The following APC variants were observed in gnomAD, a reference collection of about 807,000 sequenced individuals.
The protein encoded by APC is APC regulator of Wnt signaling pathway.
APC carries 72 observed loss-of-function variants against 247.0 expected under a neutral mutation model. The observed-to-expected ratio is 0.29, with a 90% confidence interval of 0.24 to 0.35. The LOEUF is 0.35. APC is among the 10% of genes least tolerant of loss of function. The probability of loss-of-function intolerance (pLI) is 1.00; values close to 1 mark genes in which losing one functional copy is unlikely to be tolerated. For missense variants in APC, 3,400 were observed against 3,360.7 expected, an observed-to-expected ratio of 1.01 and a Z score of -0.29; for synonymous variants, 1,254 against 1,162.5, an observed-to-expected ratio of 1.08 and a Z score of -1.60.
chr5:112,827,925 A>G lies in APC; in HGVS notation c.1549-4A>G, dbSNP rs1554081872. The G allele has an allele frequency of 6.2e-7, 1 of 1,612,472 alleles. No individual in the cohort carries two copies. The highest frequency in any genetic ancestry group is 1.7e-5 in the Admixed American group (1 of 59,990). ...TGATCCTCTATTCTGTATTTAATTT[A>G]CAGGCTACGCTATGCTCTATGAAAG... On this transcript the variant is annotated splice_polypyrimidine_tract_variant and splice_region_variant and intron_variant, in intron 12 of 15. Transcript: ENST00000257430.
At chr5:112,776,202 C>G (rs1757629493) in intron 5 of APC, among the ~76,000 whole-genome samples, 2 of 152,154 alleles carry the variant, frequency 1.3e-5, no homozygotes, top group African/African-American at 2.4e-5. Context: ...TTTGCAAGCA[C>G]TAAAGCTGGT....
chr5:112,785,699 T>C (rs1758860785), intron 6 of APC, among the ~76,000 whole-genome samples: 1 of 152,162 alleles, frequency 6.6e-6, no homozygotes, highest in Non-Finnish European at 1.5e-5. Context: ...ACAACCTTTA[T>C]ATGACAGAAG....
At chr5:112,762,376 CG>C (rs1258894796) in intron 2 of APC, among the ~76,000 whole-genome samples, 4 of 152,176 alleles carry the variant, frequency 2.6e-5, no homozygotes, top group African/African-American at 9.7e-5. Flanking sequence ...GTCCACTAAA[CG>C]GTACAAGAAT....
At chr5:112,835,572 A>ATTTT (rs11376379) in intron 15 of APC, among the ~76,000 whole-genome samples, 1 of 132,968 alleles carries the variant, frequency 7.5e-6, no homozygotes, top group African/African-American at 2.8e-5. Flanking sequence ...CATAATAATA[A>ATTTT]TTTTTTTTTT....
At chr5:112,741,983 T>C (rs62363988) in intron 1 of APC, among the ~76,000 whole-genome samples, 3,389 of 152,336 alleles carry the variant, frequency 0.022, 58 homozygotes, top group Non-Finnish European at 0.033. Context: ...TAAATGATGT[T>C]CCATTGCATG....
intron 1 of APC, among the ~76,000 whole-genome samples, chr5:112,712,580 G>C (rs551231063): frequency 1.4e-5 from 2 of 145,610 alleles, no homozygotes; most frequent in Admixed American, 6.8e-5. Context: ...TTTTTTAAGC[G>C]ACCGGGGCTT....
At chr5:112,753,589 A>T (rs1356161220) in intron 1 of APC, among the ~76,000 whole-genome samples, 5 of 152,164 alleles carry the variant, frequency 3.3e-5, no homozygotes, top group Non-Finnish European at 5.9e-5. Flanking sequence ...AGACTTTTGT[A>T]GGTGATCCCT....
chr5:112,836,165 T>TTCCCCCCCCCCCCCCCCCCC lies in APC; in HGVS notation c.1958+1000_1958+1001insTCCCCCCCCCCCCCCCCCCC, dbSNP rs1554083526. 1.3e-3 allele frequency among the ~76,000 whole-genome samples: 31 copies of TTCCCCCCCCCCCCCCCCCCC among 24,492 alleles called. 8 individuals are homozygous for TTCCCCCCCCCCCCCCCCCCC. The highest frequency in any genetic ancestry group is 2.7e-3 in the Admixed American group (3 of 1,124). 16.1% of individuals were successfully genotyped at this position (24,492 alleles called of 152,430 possible). ...CCTCCCGAGTAGCTGGGATTACAGG[T>TTCCCCCCCCCCCCCCCCCCC]CCCCCCCCCCCCCCGCCACCGTGCC... On this transcript the variant is annotated intron_variant, in intron 15 of 15. Transcript: ENST00000257430.
At chr5:112,724,245 T>C (rs1283064932) in intron 1 of APC, among the ~76,000 whole-genome samples, 1 of 152,012 alleles carries the variant, frequency 6.6e-6, no homozygotes, top group Non-Finnish European at 1.5e-5. Flanking sequence ...AGTGCTTGTA[T>C]AGTTATGAAG....
In APC at chr5:112,819,122, G is replaced by A. The variant is rs1483264315; in HGVS notation, c.1090G>A (p.Asp364Asn). ...PLLIQLLHGNDKDSVLLGNSR... is the reference protein window; with the variant it reads ...PLLIQLLHGNNKDSVLLGNSR... ...CCTCATCCAGCTTTTACATGGCAAT[G>A]ACAAAGACTCTGTATTGTTGGGAAA... The change falls in exon 10 of 16, where the codon GAC becomes AAC. Residue 364 changes from aspartate to asparagine, a missense_variant. Physicochemically the swap from Asp to Asn is conservative, Grantham distance 23. Coordinates refer to ENST00000257430, the MANE Select transcript of APC (RefSeq NM_000038.6). The A allele has an allele frequency of 1.9e-6, 3 of 1,614,110 alleles. No homozygotes were observed. Among genetic ancestry groups the A allele is most frequent in the South Asian group, 1.1e-5 (1 of 91,086 alleles).
At chr5:112,806,651 C>T (rs1409615660) in intron 8 of APC, among the ~76,000 whole-genome samples, 1 of 152,072 alleles carries the variant, frequency 6.6e-6, no homozygotes, top group Admixed American at 6.6e-5. Flanking sequence ...AATCTCGGCT[C>T]ATTGCAACCT....
chr5:112,817,491 A>G (rs1419653972), intron 9 of APC, among the ~76,000 whole-genome samples: 1 of 152,210 alleles, frequency 6.6e-6, no homozygotes, highest in Middle Eastern at 3.2e-3. Flanking sequence ...TCTATGAAGT[A>G]TCCATATTTC....
intron 1 of APC, among the ~76,000 whole-genome samples, chr5:112,732,540 T>C (rs1026063042): frequency 5.3e-5 from 8 of 152,244 alleles, no homozygotes; most frequent in Non-Finnish European, 1.0e-4. Flanking sequence ...ATTGCTCTAC[T>C]ATTATTCCGT....
intron 2 of APC, among the ~76,000 whole-genome samples, chr5:112,760,387 A>G (rs758284552): frequency 6.6e-6 from 1 of 152,236 alleles, no homozygotes; most frequent in Admixed American, 6.5e-5. Flanking sequence ...AAGTCCTGCT[A>G]GAGGGAGAGA....
intron 5 of APC, among the ~76,000 whole-genome samples, chr5:112,780,291 A>G (rs1056571658): frequency 3.3e-5 from 5 of 152,076 alleles, no homozygotes; most frequent in African/African-American, 1.2e-4. Context: ...TTCTTGTCCC[A>G]TATTCCTCAT....
intron 1 of APC, among the ~76,000 whole-genome samples, chr5:112,708,915 C>T (rs74535899): frequency 0.047 from 7,199 of 152,186 alleles, 326 homozygotes; most frequent in East Asian, 0.13. Context: ...TCCTAAATAA[C>T]GTAGTACCTT....
At chr5:112,831,737 A>G (rs565964452) in intron 14 of APC, among the ~76,000 whole-genome samples, 1 of 152,104 alleles carries the variant, frequency 6.6e-6, no homozygotes, top group African/African-American at 2.4e-5. Context: ...TGTCTTCTAC[A>G]TATTCTCTAC....
At chr5:112,745,553 T>TATG (rs1363537630) in intron 1 of APC, among the ~76,000 whole-genome samples, 2 of 143,846 alleles carry the variant, frequency 1.4e-5, no homozygotes, top group Non-Finnish European at 3.0e-5. Flanking sequence ...TTCACTTTAT[T>TATG]ATTATTATTA....
At chr5:112,755,139 A>C (rs1754819404) in intron 2 of APC, 114 bp downstream of exon 2, 2 of 1,432,360 alleles carry the variant, frequency 1.4e-6, no homozygotes, top group Admixed American at 2.2e-5. Flanking sequence ...AAGCAATAAT[A>C]TGTAAACTCT....
Sources: gnomAD v4.1 joint callset for allele counts (sites outside exome capture counted in the v4.1 genomes callset) on GRCh38, gnomAD v4.1.1 for gene constraint, MANE v1.5 for transcripts, NCBI Gene and HGNC (gene_info 2026-07-23, HGNC 2026-07-21) for gene names.